Variants in RTKN2 observed in about 807,000 individuals in gnomAD.
RTKN2 encodes the protein rhotekin-2.
A neutral mutation model predicts 71.5 loss-of-function variants in RTKN2; 69 were observed. The ratio of observed to expected loss-of-function variants is 0.96; its 90% CI spans 0.79 to 1.18. The LOEUF is 1.18. Among genes scored for constraint, RTKN2 ranks in the 50% most tolerant of loss-of-function variants. The probability of loss-of-function intolerance (pLI) is 0.00; values close to 1 mark genes in which losing one functional copy is unlikely to be tolerated. For synonymous variants in RTKN2, 236 were observed against 236.5 expected (o/e 1.00, Z 0.02); for missense variants, 724 against 719.7 (o/e 1.01, Z -0.07).
intron 3 of RTKN2, among the ~76,000 whole-genome samples, chr10:62,242,715 T>C (rs922878576): frequency 2.4e-4 from 36 of 151,962 alleles, no homozygotes; most frequent in African/African-American, 8.2e-4. Context: ...CTACCACCCC[T>C]GCCCCCGGGG....
chr10:62,200,475 A>G (rs895428464), intron 10 of RTKN2, among the ~76,000 whole-genome samples: 3 of 152,020 alleles, frequency 2.0e-5, no homozygotes, highest in Non-Finnish European at 4.4e-5. Context: ...TAAATGGTTA[A>G]TAACTACTTT....
chr10:62,204,274 T>C lies in RTKN2; in HGVS notation c.1186+583A>G, dbSNP rs1798458800. Among the ~76,000 whole-genome samples, 3 of 152,182 alleles carry C rather than the reference T, an allele frequency of 2.0e-5. No homozygotes were observed. In the South Asian group the frequency reaches 6.2e-4, roughly 32 times the overall value. ...CCTGTTGATAAAATTCCTCGAGAAA[T>C]ATTAGAACCTCATATATTTTATACA... On this transcript the variant is annotated intron_variant, in intron 10 of 11. Coordinates refer to ENST00000373789, the MANE Select transcript of RTKN2 (RefSeq NM_145307.4).
intron 9 of RTKN2, among the ~76,000 whole-genome samples, chr10:62,213,616 T>A (rs1214306966): frequency 2.0e-5 from 3 of 152,156 alleles, no homozygotes; most frequent in African/African-American, 7.2e-5. Flanking sequence ...TATGTATATA[T>A]ATGAAAGGTC....
At chr10:62,256,159 T>C (rs6479795) in intron 2 of RTKN2, among the ~76,000 whole-genome samples, 115,353 of 151,940 alleles carry the variant, frequency 0.76, 43,877 homozygotes, top group East Asian at 0.9. Context: ...GCTGAGATCA[T>C]AGGCACACAC....
chr10:62,248,611 T>C lies in RTKN2; in HGVS notation c.258-2554A>G, dbSNP rs1180151301. Among the ~76,000 whole-genome samples the C allele has an allele frequency of 2.2e-4, 33 of 152,232 alleles. No homozygotes were observed. In the East Asian group the frequency reaches 5.8e-3, roughly 27 times the overall value. On this transcript the variant is annotated intron_variant, in intron 2 of 11. Transcript: ENST00000373789. ...GTCTAGAGAATTATTTTGGCTGAGATTTGTAAATGCTAATTTAAAAGACAG... is the reference window on the plus strand; with the variant it reads ...GTCTAGAGAATTATTTTGGCTGAGACTTGTAAATGCTAATTTAAAAGACAG...
At chr10:62,211,866 C>G (rs1437649393) in intron 9 of RTKN2, among the ~76,000 whole-genome samples, 1 of 151,984 alleles carries the variant, frequency 6.6e-6, no homozygotes, top group East Asian at 1.9e-4. Context: ...AGGTTTCACC[C>G]TGTTATCCAG....
intron 2 of RTKN2, among the ~76,000 whole-genome samples, chr10:62,259,832 G>A (rs1301469522): frequency 1.3e-5 from 2 of 152,134 alleles, no homozygotes; most frequent in African/African-American, 4.8e-5. Flanking sequence ...GATTACAGGT[G>A]TGAACCACTT....
At chr10:62,222,463 T>A (rs987050354) in intron 7 of RTKN2, among the ~76,000 whole-genome samples, 5 of 152,122 alleles carry the variant, frequency 3.3e-5, no homozygotes, top group African/African-American at 9.7e-5. Context: ...TTTTCCCTAT[T>A]TTTAACATAA....
chr10:62,223,011 C>G (rs1841942011), intron 7 of RTKN2, among the ~76,000 whole-genome samples: 4 of 152,110 alleles, frequency 2.6e-5, no homozygotes, highest in Admixed American at 2.0e-4. Context: ...AAGGATTGAG[C>G]ATACCTGAGA....
At chr10:62,186,997 G>A (rs1045324364) in intron 8 of RTKN2, among the ~76,000 whole-genome samples, 1 of 152,148 alleles carries the variant, frequency 6.6e-6, no homozygotes, top group Non-Finnish European at 1.5e-5. Context: ...GGTTCATTTA[G>A]TCCAAAGCTT....
chr10:62,236,457 G>A (rs1464598346), intron 5 of RTKN2, among the ~76,000 whole-genome samples, 194 bp from the exon 6 acceptor site: 3 of 151,980 alleles, frequency 2.0e-5, no homozygotes, highest in East Asian at 1.9e-4. Flanking sequence ...AATTGTTGAC[G>A]AGGGTATGGA....
chr10:62,229,285 A>G (rs1842098820), intron 6 of RTKN2, among the ~76,000 whole-genome samples: 1 of 152,194 alleles, frequency 6.6e-6, no homozygotes, highest in African/African-American at 2.4e-5. Flanking sequence ...AGAGTGGGAT[A>G]CCTACTACAA....
intron 2 of RTKN2, among the ~76,000 whole-genome samples, chr10:62,247,280 C>CT (rs1842497468): frequency 6.6e-6 from 1 of 151,864 alleles, no homozygotes; most frequent in African/African-American, 2.4e-5. Context: ...TATCATCCTG[C>CT]TTTTTTGCCC....
At chr10:62,245,907 A>G in intron 3 of RTKN2, 92 bp downstream of exon 3, 12 of 757,186 alleles carry the variant, frequency 1.6e-5, no homozygotes. Context: ...AAACAAAATG[A>G]AGAGAATGGA....
intron 4 of RTKN2, 37 bp from the exon 5 acceptor site, chr10:62,239,802 A>G (rs1281314546): frequency 5.2e-6 from 5 of 956,568 alleles, no homozygotes; most frequent in Non-Finnish European, 8.3e-6. Context: ...GCAACAATCC[A>G]TGTAATAAAT....
intron 9 of RTKN2, among the ~76,000 whole-genome samples, chr10:62,210,255 T>C (rs1412837668): frequency 6.6e-6 from 1 of 152,214 alleles, no homozygotes; most frequent in Non-Finnish European, 1.5e-5. Context: ...TATCTACATA[T>C]GACAACTTAT....
At chr10:62,211,832 T>G (rs1331353588) in intron 9 of RTKN2, among the ~76,000 whole-genome samples, 1 of 151,956 alleles carries the variant, frequency 6.6e-6, no homozygotes, top group Non-Finnish European at 1.5e-5. Flanking sequence ...GCCTGGCTAA[T>G]TTTTTGTGTT....
rs189032770 is a variant in RTKN2 at position 62,224,137 on chromosome 10, C to T, written c.687-805G>A. ...ATATGATTTCACTTATAAGAGGTAC[C>T]TAGAGTAGTGAAATTCATAGAGATG... On this transcript the variant is annotated intron_variant, in intron 6 of 11. Transcript: ENST00000373789. Among the ~76,000 whole-genome samples the T allele has an allele frequency of 1.7e-3, 253 of 151,720 alleles. 3 individuals carry two copies. The highest frequency in any genetic ancestry group is 5.8e-3 in the African/African-American group (239 of 41,340).
Position 62,236,155 on chromosome 10 carries a change from T to C in RTKN2, c.597A>G (p.Thr199=). The change falls in exon 6 of 12, where the codon ACA becomes ACG. Residue 199 remains threonine, a synonymous_variant. Transcript: ENST00000373789. The part of the protein sequence containing the change: ...TPKKLAKKLK[T]SISKATGKKI... ...TCTTTCCTGTAGCTTTACTTATAGA[T>C]GTCTTGAGTTTCTTAGCTAGCTTTT... 1 of 1,611,972 alleles carries C rather than the reference T, an allele frequency of 6.2e-7. No homozygotes were observed. The highest frequency in any genetic ancestry group is 1.7e-4 in the Middle Eastern group (1 of 6,030).
Sources: gnomAD v4.1 joint callset for allele counts (sites outside exome capture counted in the v4.1 genomes callset) on GRCh38, gnomAD v4.1.1 for gene constraint, MANE v1.5 for transcripts, NCBI Gene and HGNC (gene_info 2026-07-23, HGNC 2026-07-21) for gene names.